Variants in ZNF254 observed in about 807,000 individuals in gnomAD.
The protein encoded by ZNF254 is zinc finger protein 254, also known as CTD-2017D11.1.
In ZNF254, 10 loss-of-function variants were observed where a neutral mutation model predicts 12.4. The ratio of observed to expected loss-of-function variants is 0.80; its 90% CI spans 0.50 to 1.36. The LOEUF is 1.36. Among genes scored for constraint, ZNF254 ranks in the 40% most tolerant of loss-of-function variants. The pLI is 0.00. For synonymous variants in ZNF254, 305 were observed against 253.4 expected, an observed-to-expected ratio of 1.20 and a Z score of -1.93; for missense variants, 996 against 763.9, an observed-to-expected ratio of 1.30 and a Z score of -3.58.
chr19:24,087,015 T>C (rs771252735), upstream of ZNF254: 59 of 382,264 alleles, frequency 1.5e-4, no homozygotes, highest in Non-Finnish European at 6.9e-5. Flanking sequence ...CCGATAAGGC[T>C]GCAGCTTAGG....
chr19:24,089,939 C>T (rs1329800674), intron 1 of ZNF254, among the ~76,000 whole-genome samples: 1 of 151,514 alleles, frequency 6.6e-6, no homozygotes, highest in East Asian at 1.9e-4. Context: ...GCCTGTAATC[C>T]CTACACTTTG....
chr19:24,057,779 G>C (rs573882585), intron 2 of ZNF254, among the ~76,000 whole-genome samples: 88 of 152,356 alleles, frequency 5.8e-4, no homozygotes, highest in African/African-American at 1.9e-3. Context: ...GAAACAGCCA[G>C]TAAGAGGGAT....
chr19:24,115,067 A>T (rs567117025), intron 3 of ZNF254, among the ~76,000 whole-genome samples: 3 of 152,222 alleles, frequency 2.0e-5, no homozygotes, highest in African/African-American at 7.2e-5. Context: ...ACACTTTTAC[A>T]CTGTTGGTGG....
At chr19:24,086,122 G>T (rs1972028639), upstream of ZNF254, among the ~76,000 whole-genome samples, 1 of 151,718 alleles carries the variant, frequency 6.6e-6, no homozygotes, top group Admixed American at 6.6e-5. Context: ...CAGGAGAATC[G>T]CTTGAACCCA....
intron 2 of ZNF254, among the ~76,000 whole-genome samples, chr19:24,053,210 A>T (rs1341336968): frequency 6.6e-6 from 1 of 152,194 alleles, no homozygotes; most frequent in East Asian, 1.9e-4. Flanking sequence ...TGAGTCAGTG[A>T]CTTCATTAAA....
chr19:24,049,679 C>T (rs894019192), intron 2 of ZNF254: 6 of 152,188 alleles, frequency 3.9e-5, no homozygotes, highest in Middle Eastern at 3.4e-3. Context: ...TGTGTCATAT[C>T]GCTGGGCCCC....
At chr19:24,056,118 G>A (rs1165353776) in intron 2 of ZNF254, among the ~76,000 whole-genome samples, 1 of 151,888 alleles carries the variant, frequency 6.6e-6, no homozygotes, top group Non-Finnish European at 1.5e-5. Context: ...GTGACATATC[G>A]CTGGACCTTA....
intron 3 of ZNF254, among the ~76,000 whole-genome samples, chr19:24,117,847 AT>A (rs932732822): frequency 6.7e-6 from 1 of 150,214 alleles, no homozygotes. Context: ...GCTGCTCAAG[AT>A]TTTTTTTTTA....
At chr19:24,049,389 T>C (rs982194107) in intron 2 of ZNF254, 1 of 151,622 alleles carries the variant, frequency 6.6e-6, no homozygotes, top group African/African-American at 2.4e-5. Context: ...ATTTTTGATG[T>C]GTTGATTCTT....
chr19:24,038,020 T>G (rs1350149762), intron 1 of ZNF254, among the ~76,000 whole-genome samples: 1 of 152,214 alleles, frequency 6.6e-6, no homozygotes, highest in Non-Finnish European at 1.5e-5. Flanking sequence ...GTCCTGGGAT[T>G]ACAAGCGTGA....
At chr19:24,096,463 A>G (rs1482869565) in intron 1 of ZNF254, among the ~76,000 whole-genome samples, 2 of 152,096 alleles carry the variant, frequency 1.3e-5, no homozygotes, top group Non-Finnish European at 2.9e-5. Flanking sequence ...TTTTTATGTA[A>G]TTGTATCAGT....
chr19:24,093,888 T>A (rs1009806881), intron 1 of ZNF254, among the ~76,000 whole-genome samples: 5 of 152,200 alleles, frequency 3.3e-5, no homozygotes, highest in African/African-American at 1.2e-4. Flanking sequence ...TATGATCATT[T>A]TTAGGATATT....
At chr19:24,118,152 C>G (rs1401839252) in intron 3 of ZNF254, among the ~76,000 whole-genome samples, 3 of 151,306 alleles carry the variant, frequency 2.0e-5, no homozygotes, top group Non-Finnish European at 2.9e-5. Flanking sequence ...TCCCGGGTTT[C>G]AAGCGATTCT....
rs189555745 is a variant in ZNF254, at chr19:24,045,237, G to C, written c.-189-947G>C. On this transcript the variant is annotated intron_variant, in intron 1 of 4. Coordinates refer to the ZNF254 transcript ENST00000613065. ...CCCCTGCGTTTATCACTTTGTGATA[G>C]TTTAAGCCCCTGCACCTGGAACTGT... Among the ~76,000 whole-genome samples, 303 of 152,262 alleles carry C rather than the reference G, an allele frequency of 2.0e-3. 1 individual carries two copies. Among genetic ancestry groups the C allele is most frequent in the African/African-American group, 7.1e-3 (294 of 41,548 alleles).
exon 2 of ZNF254, chr19:24,046,198 A>C (rs947114471): frequency 1.3e-5 from 2 of 152,018 alleles, no homozygotes; most frequent in Non-Finnish European, 2.9e-5. Flanking sequence ...TGCCATCTCT[A>C]AGCTGGACCT....
At chr19:24,039,154 A>G (rs1970068897) in intron 1 of ZNF254, among the ~76,000 whole-genome samples, 1 of 151,550 alleles carries the variant, frequency 6.6e-6, no homozygotes, top group Admixed American at 6.6e-5. Flanking sequence ...AGCCAAGTTA[A>G]TGGTACCTAG....
At chr19:24,083,928 G>A (rs1971936950), upstream of ZNF254, among the ~76,000 whole-genome samples, 1 of 151,930 alleles carries the variant, frequency 6.6e-6, no homozygotes, top group African/African-American at 2.4e-5. Flanking sequence ...ACAGTATGGA[G>A]ATTCATTAAA....
At chr19:24,085,048 TCA>T (rs1346387011), upstream of ZNF254, among the ~76,000 whole-genome samples, 3 of 150,464 alleles carry the variant, frequency 2.0e-5, no homozygotes, top group Non-Finnish European at 3.0e-5. Context: ...TTCTCCTGCC[TCA>T]GCCTCTGAGT....
At chr19:24,107,990 T>G (rs1973445017) in intron 3 of ZNF254, among the ~76,000 whole-genome samples, 1 of 152,196 alleles carries the variant, frequency 6.6e-6, no homozygotes, top group African/African-American at 2.4e-5. Context: ...CCTTCAGGAC[T>G]TTGCTGTGCA....
Sources: allele counts gnomAD v4.1 joint callset (sites outside exome capture counted in the v4.1 genomes callset), GRCh38; gene constraint gnomAD v4.1.1; transcripts MANE v1.5; gene names NCBI Gene and HGNC (gene_info 2026-07-23, HGNC 2026-07-21).